Variants in GALNT10 observed in about 807,000 individuals in gnomAD.
GALNT10 encodes polypeptide N-acetylgalactosaminyltransferase 10, also known as GalNAc transferase 10.
Under a neutral mutation model 75.0 loss-of-function variants are expected in GALNT10, and 41 were observed. That is an observed-to-expected ratio of 0.55 (90% confidence interval 0.43 to 0.71). GALNT10 has a LOEUF of 0.71. Ranked by LOEUF, GALNT10 falls within the 30% of genes least tolerant of loss-of-function variation. GALNT10 has a pLI of 0.00. For synonymous variants in GALNT10, 302 were observed against 313.0 expected (o/e 0.96, Z 0.37); for missense variants, 727 against 818.5 (o/e 0.89, Z 1.36).
At chr5:154,399,960 C>G (rs918229430) in intron 7 of GALNT10, among the ~76,000 whole-genome samples, 4 of 152,002 alleles carry the variant, frequency 2.6e-5, no homozygotes, top group African/African-American at 9.7e-5. Flanking sequence ...GTGGGCAACA[C>G]AGGGAGACCC....
intron 4 of GALNT10, among the ~76,000 whole-genome samples, chr5:154,363,843 C>A (rs1755435015): frequency 6.6e-6 from 1 of 152,210 alleles, no homozygotes; most frequent in African/African-American, 2.4e-5. Flanking sequence ...TGCTTTATAT[C>A]TTCCCCTGGG....
At position 154,352,117 on chromosome 5, in the gene GALNT10, CTG is replaced by C. The variant is rs1409911873; in HGVS notation, c.568+22381_568+22382del. 6.6e-6 allele frequency among the ~76,000 whole-genome samples: 1 copy of C among 152,238 alleles called. No individual in the cohort carries two copies. The highest frequency in any genetic ancestry group is 1.5e-5 in the Non-Finnish European group (1 of 68,042). The stretch of plus-strand genomic sequence containing the variant: ...AGGGAATATTTATGAAATACCCACT[CTG>C]TATCTGTTTACCAGATACCTGAGTT... On this transcript the variant is annotated intron_variant, in intron 4 of 11. Transcript: ENST00000297107. This position sits in a 1 kb window ranked among gnomAD's most constrained non-coding sequence, Gnocchi z 4.4.
intron 4 of GALNT10, among the ~76,000 whole-genome samples, chr5:154,355,490 C>T (rs889657100): frequency 2.6e-5 from 4 of 152,184 alleles, no homozygotes; most frequent in African/African-American, 9.7e-5. Context: ...CTCTCAAGCT[C>T]AGGAGGGAGC....
At chr5:154,291,492 C>G (rs1463201617) in intron 1 of GALNT10, among the ~76,000 whole-genome samples, 1 of 152,214 alleles carries the variant, frequency 6.6e-6, no homozygotes, top group Admixed American at 6.5e-5. Context: ...TTGAGAAGCA[C>G]TAGTCCCAAC....
At chr5:154,397,310 A>G (rs866705553) in intron 7 of GALNT10, among the ~76,000 whole-genome samples, 4 of 151,942 alleles carry the variant, frequency 2.6e-5, no homozygotes, top group Admixed American at 6.6e-5. Flanking sequence ...AAACTAATAC[A>G]TTCAAAATAA....
In GALNT10 at chr5:154,201,644, G is replaced by A. The variant is rs145279346; in HGVS notation, c.159+10619G>A. On this transcript the variant is annotated intron_variant, in intron 1 of 11. Coordinates refer to ENST00000297107, the MANE Select transcript of GALNT10 (RefSeq NM_198321.4). ...TCTAGATTTGTTAGAAATGATGTAG[G>A]TACAGGCCAGGCGTGGTGGCTCTCA... is the stretch of plus-strand genomic sequence containing the variant. Among the ~76,000 whole-genome samples the A allele has an allele frequency of 2.4e-3, 364 of 152,148 alleles. 1 individual carries two copies. The highest frequency in any genetic ancestry group is 0.01 in the Middle Eastern group (3 of 294).
intron 1 of GALNT10, among the ~76,000 whole-genome samples, chr5:154,261,959 T>A (rs1487385193): frequency 6.6e-6 from 1 of 152,164 alleles, no homozygotes; most frequent in East Asian, 1.9e-4. Context: ...TCTGCCCTAT[T>A]TGGGGATGAA....
chr5:154,416,480 T>TAC lies in GALNT10; in HGVS notation c.1654-297_1654-296dup, dbSNP rs70978542. 0.017 allele frequency among the ~76,000 whole-genome samples: 2,455 copies of TAC among 141,894 alleles called. 51 individuals are homozygous for TAC. The highest frequency in any genetic ancestry group is 0.026 in the African/African-American group (970 of 36,886). The allele number at this position is 141,894 out of a possible 152,430, so 93.1% of individuals were successfully genotyped here. A position where few individuals can be genotyped will look rare whatever the true frequency, so the allele number is the denominator to read the frequency against. On this transcript the variant is annotated intron_variant, in intron 11 of 11. Transcript: ENST00000297107. This position sits in a 1 kb window ranked among gnomAD's most constrained non-coding sequence, Gnocchi z 4.5. Reference sequence around the variant, plus strand: ...AAATAAAAGATAAAAGGAAAGCACATACACACACACACACACACACACACA... The same window carrying TAC: ...AAATAAAAGATAAAAGGAAAGCACATACACACACACACACACACACACACACA...
chr5:154,214,787 G>A (rs558527782), intron 1 of GALNT10, among the ~76,000 whole-genome samples: 2 of 152,208 alleles, frequency 1.3e-5, no homozygotes, highest in East Asian at 3.9e-4. Flanking sequence ...GACAAAAAGG[G>A]GAGAAGATAA....
At position 154,380,437 on chromosome 5, in the gene GALNT10, G is replaced by T. The variant is rs775905081; in HGVS notation, c.755-11G>T. On this transcript the variant is annotated splice_polypyrimidine_tract_variant and intron_variant, in intron 5 of 11. Transcript: ENST00000297107. The stretch of plus-strand genomic sequence containing the variant: ...CTGCTTCATCTGATAGGCATCTCTT[G>T]GCTTCTTCAGACCGCATTGCTCGGA... The T allele has an allele frequency of 4.4e-6, 7 of 1,608,598 alleles. No individual in the cohort carries two copies. Among genetic ancestry groups the T allele is most frequent in the Non-Finnish European group, 8.5e-7 (1 of 1,175,812 alleles).
At chr5:154,294,372 C>G (rs937581497) in intron 1 of GALNT10, among the ~76,000 whole-genome samples, 14 of 152,142 alleles carry the variant, frequency 9.2e-5, no homozygotes, top group Non-Finnish European at 4.4e-5. Flanking sequence ...TGTAAAATAC[C>G]TTAATCAGTG....
intron 1 of GALNT10, among the ~76,000 whole-genome samples, chr5:154,249,725 C>G (rs1056297572): frequency 6.6e-6 from 1 of 152,118 alleles, no homozygotes; most frequent in Non-Finnish European, 1.5e-5. Flanking sequence ...AGGAGTCTAC[C>G]AGTTTGAGAG....
chr5:154,221,520 C>A (rs1425034386), intron 1 of GALNT10, among the ~76,000 whole-genome samples: 1 of 152,136 alleles, frequency 6.6e-6, no homozygotes, highest in Non-Finnish European at 1.5e-5. Context: ...GGATCTGTGT[C>A]TTTAGGCCTC....
intron 4 of GALNT10, among the ~76,000 whole-genome samples, chr5:154,367,096 T>C (rs967990261): frequency 2.6e-5 from 4 of 152,166 alleles, no homozygotes; most frequent in African/African-American, 9.7e-5. Context: ...TACAAGAGGA[T>C]AGAATAGAAA....
At chr5:154,353,539 G>T (rs1222918700) in intron 4 of GALNT10, among the ~76,000 whole-genome samples, 1 of 152,206 alleles carries the variant, frequency 6.6e-6, no homozygotes, top group African/African-American at 2.4e-5. Flanking sequence ...GGGAGGGCTA[G>T]ACCACTGAGC....
At chr5:154,394,318 T>TAAA (rs5872377) in intron 7 of GALNT10, among the ~76,000 whole-genome samples, 3 of 124,902 alleles carry the variant, frequency 2.4e-5, no homozygotes, top group Non-Finnish European at 4.9e-5. Context: ...TGAACAGACT[T>TAAA]AAAAAAAAAA....
intron 1 of GALNT10, among the ~76,000 whole-genome samples, chr5:154,254,486 G>T (rs1753576088): frequency 6.6e-6 from 1 of 151,386 alleles, no homozygotes; most frequent in Non-Finnish European, 1.5e-5. Context: ...TCCCACAGAG[G>T]TGTTTCTTTT....
chr5:154,233,893 T>C (rs934221755), intron 1 of GALNT10, among the ~76,000 whole-genome samples: 1 of 152,124 alleles, frequency 6.6e-6, no homozygotes, highest in African/African-American at 2.4e-5. Context: ...AGTTTACTTT[T>C]CTCCTTATTA....
At chr5:154,238,323 T>C (rs945468129) in intron 1 of GALNT10, among the ~76,000 whole-genome samples, 2 of 152,080 alleles carry the variant, frequency 1.3e-5, no homozygotes, top group South Asian at 2.1e-4. Context: ...CTAGCTTATT[T>C]CCTTTCCATA....
Sources: allele counts gnomAD v4.1 joint callset (sites outside exome capture counted in the v4.1 genomes callset), GRCh38; gene constraint gnomAD v4.1.1; non-coding constraint Gnocchi (gnomAD v3.1); transcripts MANE v1.5; gene names NCBI Gene and HGNC (gene_info 2026-07-23, HGNC 2026-07-21).